ANK2: variants seen among roughly 807,000 people sequenced by gnomAD.
The protein encoded by ANK2 is ankyrin-2.
ANK2 carries 83 observed loss-of-function variants against 360.5 expected under a neutral mutation model. The ratio of observed to expected loss-of-function variants is 0.23; its 90% CI spans 0.19 to 0.28. The LOEUF is 0.28. ANK2 is among the 10% of genes least tolerant of loss of function. ANK2 has a pLI of 1.00. For missense variants in ANK2, 4,201 were observed against 4,795.7 expected (o/e 0.88, Z 3.66); for synonymous variants, 1,740 against 1,759.5 (o/e 0.99, Z 0.28).
chr4:113,108,041 T>C (rs1351883674), intron 1 of ANK2, among the ~76,000 whole-genome samples: 2 of 152,232 alleles, frequency 1.3e-5, no homozygotes, highest in African/African-American at 4.8e-5. Flanking sequence ...ACACGTAAGT[T>C]GGACATTCGT....
chr4:112,739,101 GAATA>G, the ANK2 span: 7 of 499,326 alleles, frequency 1.4e-5, no homozygotes, highest in African/African-American at 1.2e-4. Flanking sequence ...CAAAGAAAAT[GAATA>G]GATAGCTCAT....
chr4:113,002,017 T>C (rs1275508933), intron 2 of ANK2, among the ~76,000 whole-genome samples: 2 of 151,318 alleles, frequency 1.3e-5, no homozygotes, highest in Non-Finnish European at 2.9e-5. Context: ...TTTATTTATT[T>C]ATTTATTTTT....
chr4:112,714,644 A>G, the ANK2 span, among the ~76,000 whole-genome samples: 842 of 152,318 alleles, frequency 5.5e-3, 10 homozygotes, highest in African/African-American at 0.018. Flanking sequence ...CACATCTCAT[A>G]CCCTACTTGA....
At chr4:113,301,137 C>T (rs1291355523) in intron 22 of ANK2, among the ~76,000 whole-genome samples, 1 of 152,110 alleles carries the variant, frequency 6.6e-6, no homozygotes, top group Non-Finnish European at 1.5e-5. Context: ...GAAGATGTTA[C>T]TCTTATGTCA....
the ANK2 span, among the ~76,000 whole-genome samples, chr4:112,802,221 G>A: frequency 1.3e-5 from 2 of 152,052 alleles, no homozygotes; most frequent in Non-Finnish European, 2.9e-5. Flanking sequence ...AAAGTTTAGA[G>A]GGAGATTGGA....
chr4:113,287,145 C>A (rs1247683496), intron 18 of ANK2, among the ~76,000 whole-genome samples: 1 of 152,168 alleles, frequency 6.6e-6, no homozygotes, highest in Non-Finnish European at 1.5e-5. Context: ...TTTTTCTGAA[C>A]TCATTTCCTG....
At chr4:112,808,550 G>C in the ANK2 span, among the ~76,000 whole-genome samples, 1 of 152,142 alleles carries the variant, frequency 6.6e-6, no homozygotes, top group Non-Finnish European at 1.5e-5. Context: ...CAGTATTGTA[G>C]GGATGATAAT....
rs1271706898 is a variant in ANK2 at position 113,307,422 on chromosome 4, T to C, written c.2549-3833T>C. Among the ~76,000 whole-genome samples, 3 of 148,168 alleles carry C rather than the reference T, an allele frequency of 2.0e-5. No individual in the cohort carries two copies. The East Asian group carries it at 5.9e-4, about 29-fold the overall frequency. On this transcript the variant is annotated intron_variant, in intron 23 of 45. Transcript: ENST00000357077. ...GGGGAGCCATTCCACCTTTTTTTTT[T>C]TTTTTTTTTTTGTGATGGAGTCTCA... is the stretch of plus-strand genomic sequence containing the variant.
the ANK2 span, among the ~76,000 whole-genome samples, chr4:112,768,500 C>T: frequency 5.3e-4 from 81 of 152,180 alleles, no homozygotes; most frequent in African/African-American, 1.9e-3. Context: ...GCAATCCGCC[C>T]ACCGAGGCCT....
chr4:113,232,371 A>G (rs1185617515), intron 5 of ANK2, 112 bp downstream of exon 5: 6 of 839,212 alleles, frequency 7.1e-6, no homozygotes, highest in Non-Finnish European at 1.2e-5. Flanking sequence ...AGGAATGTTC[A>G]TGTTACTATT....
At chr4:113,048,248 G>GTATATATA (rs869196489), upstream of ANK2, among the ~76,000 whole-genome samples, 52 of 36,252 alleles carry the variant, frequency 1.4e-3, no homozygotes, top group African/African-American at 3.9e-3. Context: ...CTACAAGTGT[G>GTATATATA]TATATATATA....
intron 1 of ANK2, among the ~76,000 whole-genome samples, chr4:113,168,662 A>G (rs2097841092): frequency 6.6e-6 from 1 of 152,236 alleles, no homozygotes; most frequent in South Asian, 2.1e-4. Context: ...TGCAGTGTAA[A>G]GTGTTTTATA....
At chr4:112,844,397 CT>C (rs1160246955) in intron 1 of ANK2, among the ~76,000 whole-genome samples, 1 of 152,182 alleles carries the variant, frequency 6.6e-6, no homozygotes, top group East Asian at 1.9e-4. Context: ...TATCGCTTAT[CT>C]GCCCAAAGTA....
rs750277917 is a variant in ANK2, at chr4:112,885,796, C to CAAAAAAAA, written c.-39-18637_-39-18630dup. 2.6e-4 allele frequency among the ~76,000 whole-genome samples: 7 copies of CAAAAAAAA among 26,976 alleles called. 1 individual carries two copies. Among genetic ancestry groups the CAAAAAAAA allele is most frequent in the Middle Eastern group, 0.028 (1 of 36 alleles). 17.7% of individuals were successfully genotyped at this position (26,976 alleles called of 152,430 possible). On this transcript the variant is annotated intron_variant, in intron 1 of 30. Transcript: ENST00000503271. ...TGGGGGACAGAGCAAGACTCTGTCTCAAAAAAAAAAAAAAAAAAAAAAAAA... is the reference window on the plus strand; with the variant it reads ...TGGGGGACAGAGCAAGACTCTGTCTCAAAAAAAAAAAAAAAAAAAAAAAAAAAAAAAAA...
intron 35 of ANK2, 71 bp from the exon 36 acceptor site, chr4:113,348,205 T>C: frequency 6.6e-7 from 1 of 1,512,492 alleles, no homozygotes; most frequent in Non-Finnish European, 9.2e-7. Flanking sequence ...TACTCTTTCC[T>C]TTTCTTCTAA....
At chr4:113,195,537 C>A (rs542743730) in intron 2 of ANK2, among the ~76,000 whole-genome samples, 6 of 152,128 alleles carry the variant, frequency 3.9e-5, no homozygotes, top group African/African-American at 1.4e-4. Flanking sequence ...CAGTGTATTT[C>A]AATTTGCATG....
At chr4:113,002,816 T>C (rs1211939514) in intron 2 of ANK2, among the ~76,000 whole-genome samples, 1 of 152,162 alleles carries the variant, frequency 6.6e-6, no homozygotes, top group African/African-American at 2.4e-5. Context: ...CAGTCTCATC[T>C]CCTCCCACTT....
chr4:113,078,364 G>T (rs1238784223), intron 1 of ANK2, among the ~76,000 whole-genome samples: 1 of 152,196 alleles, frequency 6.6e-6, no homozygotes, highest in South Asian at 2.1e-4. Flanking sequence ...CTTCCAGAAG[G>T]CAGAGTTGCT....
rs749233520 is a variant in ANK2, at chr4:113,082,250, A to G, written c.84+32438A>G. ...GCATCTAAATATCCAGTAAGTGTGT[A>G]GAATAACTCAGGCTTCATTTGGTAT... On this transcript the variant is annotated intron_variant, in intron 1 of 45. Coordinates refer to ENST00000357077, the MANE Select transcript of ANK2 (RefSeq NM_001148.6). Among the ~76,000 whole-genome samples, 13 of 152,364 alleles carry G rather than the reference A, an allele frequency of 8.5e-5. No individual in the cohort carries two copies. In the East Asian group the frequency reaches 1.3e-3, roughly 16 times the overall value.
Sources: allele counts gnomAD v4.1 joint callset (sites outside exome capture counted in the v4.1 genomes callset), GRCh38; gene constraint gnomAD v4.1.1; transcripts MANE v1.5; gene names NCBI Gene and HGNC (gene_info 2026-07-23, HGNC 2026-07-21).